PIK3C2A: variants seen among roughly 807,000 people sequenced by gnomAD.
The protein encoded by PIK3C2A is phosphatidylinositol-4-phosphate 3-kinase catalytic subunit type 2 alpha, also known as phosphatidylinositol 4-phosphate 3-kinase C2 domain-containing subunit alpha.
In PIK3C2A, 97 loss-of-function variants were observed where a neutral mutation model predicts 204.5. The observed-to-expected ratio is 0.47, with a 90% CI of 0.40 to 0.56. The LOEUF (loss-of-function observed/expected upper bound fraction) is 0.56. Ranked by LOEUF, PIK3C2A falls within the 20% of genes least tolerant of loss-of-function variation. PIK3C2A has a pLI of 0.00. For missense variants in PIK3C2A, 1,735 were observed against 1,969.2 expected (o/e 0.88, Z 2.25); for synonymous variants, 653 against 664.4 (o/e 0.98, Z 0.26).
At chr11:17,178,113 GA>G (rs371947674) in intron 1 of PIK3C2A, among the ~76,000 whole-genome samples, 34,124 of 118,826 alleles carry the variant, frequency 0.29, 5,801 homozygotes, top group East Asian at 0.43. Flanking sequence ...AAAAAAAAAA[GA>G]AAAAAAAAAT....
At position 17,099,948 on chromosome 11, in the gene PIK3C2A, C is replaced by T. The variant is rs1252490061; in HGVS notation, c.4030G>A (p.Glu1344Lys). The T allele has an allele frequency of 2.6e-6, 4 of 1,567,318 alleles. No homozygotes were observed. Among genetic ancestry groups the T allele is most frequent in the Non-Finnish European group, 3.5e-6 (4 of 1,138,746 alleles). The change falls in exon 26 of 33, where the codon GAA becomes AAA. Residue 1344 changes from glutamate (E) to lysine (K), a missense_variant. Glu to Lys is a moderately conservative substitution (Grantham distance 56). Around this residue, in one of 6 missense-constraint regions of PIK3C2A, gnomAD observed 503 missense variants for 669.0 expected, o/e 0.75. Transcript: ENST00000691414. The part of the protein sequence containing the change: ...LSLMIPSGLP[E>K]LTSIQDLKYV... Reference sequence around the variant, plus strand: ...TTCAAATCTTGAATACTTGTAAGTTCTGGTAACCCTGAAGGAATCATCTGT... The same window carrying T: ...TTCAAATCTTGAATACTTGTAAGTTTTGGTAACCCTGAAGGAATCATCTGT...
At chr11:17,091,294 T>A (rs749000191) in intron 32 of PIK3C2A, 40 bp downstream of exon 32, 1 of 1,566,626 alleles carries the variant, frequency 6.4e-7, no homozygotes, top group Non-Finnish European at 8.7e-7. Flanking sequence ...ATTAAAAAAA[T>A]AATAAACCAA....
At position 17,169,194 on chromosome 11, in the gene PIK3C2A, T is replaced by G. The variant is rs1466715006; in HGVS notation, c.548A>C (p.Glu183Ala). ...NPRMPTFPSTEPIYLSLPGQS... is the reference protein window; with the variant it reads ...NPRMPTFPSTAPIYLSLPGQS... ...TCCCGGAAGACTTAAATATATAGGT[T>G]CTGTAGATGGAAAAGTGGGCATTCT... The change falls in exon 2 of 33, where the codon GAA (glutamate) becomes GCA (alanine). Residue 183 changes from glutamate (E) to alanine (A), a missense_variant. Physicochemically the swap from Glu to Ala is moderately radical, Grantham distance 107. Transcript: ENST00000691414. 48 of 1,613,926 alleles carry G rather than the reference T, an allele frequency of 3.0e-5. 1 individual carries two copies. The highest frequency in any genetic ancestry group is 3.9e-5 in the Non-Finnish European group (46 of 1,180,004).
chr11:17,178,698 C>T (rs1344362546), intron 1 of PIK3C2A, among the ~76,000 whole-genome samples: 1 of 149,858 alleles, frequency 6.7e-6, no homozygotes, highest in African/African-American at 2.5e-5. Context: ...GCCACCACAC[C>T]TGGTTGATTT....
At position 17,147,415 on chromosome 11, in the gene PIK3C2A, C is replaced by T. The variant is rs1251471552; in HGVS notation, c.1560+102G>A. The T allele has an allele frequency of 2.1e-5, 14 of 665,402 alleles. No individual in the cohort carries two copies. The East Asian group carries it at 3.6e-4, about 17-fold the overall frequency. 41.2% of individuals were successfully genotyped at this position (665,402 alleles called of 1,614,324 possible). ...TTGAGGATGAGTTCATCACCCCATT[C>T]TAACTATGAAATCATGAAAAATGTA... On this transcript the variant is annotated intron_variant, in intron 6 of 32. Transcript: ENST00000691414.
At chr11:17,207,567 G>A (rs1852630440) in intron 1 of PIK3C2A, among the ~76,000 whole-genome samples, 1 of 152,182 alleles carries the variant, frequency 6.6e-6, no homozygotes. Flanking sequence ...TAACTCCCTG[G>A]CGCACCTCCG....
chr11:17,193,886 A>AGAAAAGAAAAGAAAAG lies in PIK3C2A; in HGVS notation c.-66+13946_-66+13961dup, dbSNP rs1852039748. 2 of 197,588 alleles carry AGAAAAGAAAAGAAAAG rather than the reference A, an allele frequency of 1.0e-5. 1 individual carries two copies. Among genetic ancestry groups the AGAAAAGAAAAGAAAAG allele is most frequent in the African/African-American group, 5.7e-5 (2 of 35,106 alleles). 12.2% of individuals were successfully genotyped at this position (197,588 alleles called of 1,614,324 possible). A position where few individuals can be genotyped will look rare whatever the true frequency, so the allele number is the denominator to read the frequency against. ...AGAAAAGAAAAGAAAAGAAAAGAAAAGAAAAGAAAAGAAAAGAAAAGAAAA... is the reference window on the plus strand; with the variant it reads ...AGAAAAGAAAAGAAAAGAAAAGAAAAGAAAAGAAAAGAAAAGGAAAAGAAAAGAAAAGAAAAGAAAA... On this transcript the variant is annotated intron_variant, in intron 1 of 32. Transcript: ENST00000691414.
chr11:17,110,208 C>T (rs1409375802), intron 22 of PIK3C2A, among the ~76,000 whole-genome samples: 1 of 152,126 alleles, frequency 6.6e-6, no homozygotes, highest in East Asian at 1.9e-4. Context: ...CCACCTTGGC[C>T]TCCCAAAGTG....
At position 17,102,655 on chromosome 11, in the gene PIK3C2A, A is replaced by G. The variant is rs747570448; in HGVS notation, c.3851+7T>C. 10 of 1,604,546 alleles carry G rather than the reference A, an allele frequency of 6.2e-6. No individual in the cohort carries two copies. Among genetic ancestry groups the G allele is most frequent in the Admixed American group, 1.7e-5 (1 of 58,124 alleles). On this transcript the variant is annotated splice_region_variant and intron_variant, in intron 24 of 32. Coordinates refer to ENST00000691414, the MANE Select transcript of PIK3C2A (RefSeq NM_002645.4). ...TCATTTCTTTGGCAACAGCAATAACATTATACCTTTTGAAGCTGCCAAACA... is the reference window on the plus strand; with the variant it reads ...TCATTTCTTTGGCAACAGCAATAACGTTATACCTTTTGAAGCTGCCAAACA...
intron 1 of PIK3C2A, among the ~76,000 whole-genome samples, chr11:17,174,928 A>T (rs936971337): frequency 1.3e-5 from 2 of 152,118 alleles, no homozygotes; most frequent in African/African-American, 2.4e-5. Flanking sequence ...AATAAAAAAT[A>T]AAAAAATAGC....
chr11:17,164,858 AC>A (rs1367647818), intron 2 of PIK3C2A, among the ~76,000 whole-genome samples: 3 of 152,080 alleles, frequency 2.0e-5, no homozygotes, highest in Non-Finnish European at 4.4e-5. Context: ...TTAGGAAACC[AC>A]CCATCCTCAT....
chr11:17,136,340 C>T (rs531742711), intron 9 of PIK3C2A, 142 bp downstream of exon 9: 1 of 650,040 alleles, frequency 1.5e-6, no homozygotes, highest in Admixed American at 3.1e-5. Context: ...ACCAAGGAAT[C>T]CCCACCTAAC....
chr11:17,197,714 A>G (rs897879581), intron 1 of PIK3C2A, among the ~76,000 whole-genome samples: 21 of 152,208 alleles, frequency 1.4e-4, no homozygotes, highest in Admixed American at 5.2e-4. Flanking sequence ...GGAGATAATT[A>G]CTGAACTTTG....
At position 17,097,226 on chromosome 11, in the gene PIK3C2A, A is replaced by C; in HGVS notation, c.4157T>G (p.Phe1386Cys). Residue 1386 changes from phenylalanine to cysteine, a missense_variant, in exon 27 of 33, where the codon TTT (phenylalanine) becomes TGT (cysteine). Phe to Cys is a radical substitution (Grantham distance 205). Coordinates refer to ENST00000691414, the MANE Select transcript of PIK3C2A (RefSeq NM_002645.4). ...AGCAAGGTTGTGAATGAAGAAGTTAAACTTTGTGGCAATGCTTCCCAAACT... is the reference window on the plus strand; with the variant it reads ...AGCAAGGTTGTGAATGAAGAAGTTACACTTTGTGGCAATGCTTCCCAAACT... ...ESSLGSIATK[F>C]NFFIHNLAQL... 1 of 1,613,858 alleles carries C rather than the reference A, an allele frequency of 6.2e-7. No homozygotes were observed. The highest frequency in any genetic ancestry group is 8.5e-7 in the Non-Finnish European group (1 of 1,179,786).
chr11:17,095,093 A>G (rs1383898257), intron 27 of PIK3C2A, among the ~76,000 whole-genome samples: 2 of 152,124 alleles, frequency 1.3e-5, no homozygotes, highest in Non-Finnish European at 2.9e-5. Flanking sequence ...TATAAAAAAT[A>G]TAAAGATTAG....
chr11:17,140,846 G>A (rs1018872272), intron 8 of PIK3C2A, among the ~76,000 whole-genome samples: 3 of 152,124 alleles, frequency 2.0e-5, no homozygotes, highest in African/African-American at 4.8e-5. Flanking sequence ...AAAGGAGGGG[G>A]ATAAGTATAA....
Position 17,089,556 on chromosome 11 carries a change from G to T in PIK3C2A, c.*182C>A. 2 of 509,732 alleles carry T rather than the reference G, an allele frequency of 3.9e-6. No individual in the cohort carries two copies. The highest frequency in any genetic ancestry group is 3.9e-5 in the African/African-American group (2 of 51,820). The allele number at this position is 509,732 out of a possible 1,614,324, so 31.6% of individuals were successfully genotyped here. ...CCAAAAATTCAAAAAGGTTAGTTAT[G>T]TGACTGTTGGTCCAACAGATGTGTT... On this transcript the variant is annotated 3_prime_UTR_variant, in exon 33 of 33. Transcript: ENST00000691414.
At chr11:17,091,483 A>G (rs761939055) in intron 31 of PIK3C2A, 24 bp from the exon 32 acceptor site, 1 of 1,610,948 alleles carries the variant, frequency 6.2e-7, no homozygotes, top group Non-Finnish European at 8.5e-7. Flanking sequence ...CAGTCCCTTA[A>G]TAGTAATGCT....
chr11:17,102,305 CGG>C (rs1848662557), intron 24 of PIK3C2A, among the ~76,000 whole-genome samples: 1 of 151,992 alleles, frequency 6.6e-6, no homozygotes. Context: ...GGCGTGGTGG[CGG>C]GCGCCTGTAG....
Sources: gnomAD v4.1 joint callset for allele counts (sites outside exome capture counted in the v4.1 genomes callset) on GRCh38, gnomAD v4.1.1 for gene constraint, gnomAD v4.1.1 regional missense constraint, MANE v1.5 for transcripts, NCBI Gene and HGNC (gene_info 2026-07-23, HGNC 2026-07-21) for gene names.